The following EXOSC4 variants were observed in gnomAD, a reference collection of about 807,000 sequenced individuals.
EXOSC4 encodes the protein exosome complex component RRP41.
A neutral mutation model predicts 20.0 loss-of-function variants in EXOSC4; 14 were observed. The ratio of observed to expected loss-of-function variants is 0.70; its 90% CI spans 0.46 to 1.09. The LOEUF (loss-of-function observed/expected upper bound fraction) is 1.09, where lower values mean the gene tolerates loss of function less well. Ranked by LOEUF, EXOSC4 falls within the 50% of genes least tolerant of loss-of-function variation. EXOSC4 has a pLI of 0.00. For synonymous variants in EXOSC4, 148 were observed against 146.4 expected (o/e 1.01, Z -0.08); for missense variants, 337 against 334.0 (o/e 1.01, Z -0.07).
chr8:144,073,343 A>G, the EXOSC4 span, among the ~76,000 whole-genome samples: 105 of 152,174 alleles, frequency 6.9e-4, no homozygotes, highest in African/African-American at 2.1e-3. Context: ...TCAAGATCGC[A>G]CCACTGCACT....
the EXOSC4 span, among the ~76,000 whole-genome samples, chr8:144,070,717 A>T: frequency 2.0e-5 from 3 of 151,874 alleles, no homozygotes; most frequent in African/African-American, 2.4e-5. Flanking sequence ...AATCCCAGCT[A>T]TTCAGGAGGC....
rs782357099 is a variant in EXOSC4, at chr8:144,080,051, C to G, written c.280C>G (p.Arg94Gly). 1.2e-6 allele frequency: 2 copies of G among 1,614,016 alleles called. No homozygotes were observed. The highest frequency in any genetic ancestry group is 1.7e-6 in the Non-Finnish European group (2 of 1,179,988). Residue 94 changes from arginine (R) to glycine (G), a missense_variant, in exon 2 of 3, where the codon CGT (arginine) becomes GGT (glycine). Coordinates refer to ENST00000316052, the MANE Select transcript of EXOSC4 (RefSeq NM_019037.3). This position sits in a 1 kb window ranked among gnomAD's most constrained non-coding sequence, Gnocchi z 4.9. The stretch of plus-strand genomic sequence containing the variant: ...GCGCAAGCGACGGCCACATGGGGAC[C>G]GTAAGTCCTGTGAGATGGGCCTGCA... ...GERKRRPHGD[R>G]KSCEMGLQLR... is the part of the protein sequence containing the mutation.
At chr8:144,079,792 C>A in intron 1 of EXOSC4, 151 bp from the exon 2 acceptor site, 1 of 817,216 alleles carries the variant, frequency 1.2e-6, no homozygotes, top group Non-Finnish European at 2.1e-6. Context: ...ACATGCAAGA[C>A]AGAGAGCGCA....
the EXOSC4 span, among the ~76,000 whole-genome samples, chr8:144,071,545 C>T: frequency 6.7e-6 from 1 of 149,400 alleles, no homozygotes; most frequent in Admixed American, 6.7e-5. Context: ...GACCTCCCGC[C>T]TTGGCCTCCT....
In EXOSC4 at chr8:144,080,602, C is replaced by T; in HGVS notation, c.*1C>T. On this transcript the variant is annotated 3_prime_UTR_variant, in exon 3 of 3. Transcript: ENST00000316052. This position sits in a 1 kb window ranked among gnomAD's most constrained non-coding sequence, Gnocchi z 4.9. Reference sequence around the variant, plus strand: ...GGCCTCTATCTTGCTGGGGGACTGACCACCCAGCCACCCATGTCCAGAATA... The same window carrying T: ...GGCCTCTATCTTGCTGGGGGACTGATCACCCAGCCACCCATGTCCAGAATA... The T allele has an allele frequency of 6.3e-7, 1 of 1,595,458 alleles. No homozygotes were observed. Among genetic ancestry groups the T allele is most frequent in the Non-Finnish European group, 8.5e-7 (1 of 1,177,880 alleles).
chr8:144,067,320 G>A, the EXOSC4 span, among the ~76,000 whole-genome samples: 75 of 152,316 alleles, frequency 4.9e-4, no homozygotes, highest in African/African-American at 1.5e-3. Context: ...GGTTTTGGGT[G>A]AGCCTAACCT....
upstream of EXOSC4, among the ~76,000 whole-genome samples, chr8:144,077,352 G>C (rs1190658512): frequency 6.6e-6 from 1 of 152,252 alleles, no homozygotes; most frequent in Non-Finnish European, 1.5e-5. Flanking sequence ...AATAAGCAGA[G>C]TGGCTGTAGA....
In EXOSC4 at chr8:144,080,583, T is replaced by C; in HGVS notation, c.720T>C (p.Ser240=). 1 of 1,598,378 alleles carries C rather than the reference T, an allele frequency of 6.3e-7. No individual in the cohort carries two copies. Among genetic ancestry groups the C allele is most frequent in the Non-Finnish European group, 8.5e-7 (1 of 1,179,346 alleles). ...RVVRQHVREA[S]ILLGD The stretch of plus-strand genomic sequence containing the variant: ...TCCGGCAGCATGTGCGTGAGGCCTC[T>C]ATCTTGCTGGGGGACTGACCACCCA... Residue 240 remains serine, a synonymous_variant, in exon 3 of 3, where the codon TCT becomes TCC. Transcript: ENST00000316052. The surrounding 1 kb of genome is among the most constrained non-coding windows in gnomAD (Gnocchi z 4.9).
chr8:144,077,025 T>G (rs1297266072), upstream of EXOSC4, among the ~76,000 whole-genome samples: 3 of 150,798 alleles, frequency 2.0e-5, no homozygotes, highest in Admixed American at 2.0e-4. Flanking sequence ...GAGCTGAGAT[T>G]GTGCCACTGC....
chr8:144,069,446 G>A, the EXOSC4 span, among the ~76,000 whole-genome samples: 4 of 152,304 alleles, frequency 2.6e-5, no homozygotes, highest in East Asian at 1.9e-4. Context: ...GGTGTGTGCC[G>A]GGACTGCTTG....
chr8:144,071,281 C>T, the EXOSC4 span, among the ~76,000 whole-genome samples: 1 of 55,670 alleles, frequency 1.8e-5, no homozygotes, highest in Non-Finnish European at 3.5e-5. Context: ...TCTCCCCTCC[C>T]CTCCTCCGCT....
the EXOSC4 span, among the ~76,000 whole-genome samples, chr8:144,070,205 TC>T: frequency 6.6e-6 from 1 of 152,138 alleles, no homozygotes; most frequent in Non-Finnish European, 1.5e-5. Flanking sequence ...GTCAAGGCCC[TC>T]TGATTTTTGG....
upstream of EXOSC4, chr8:144,078,022 T>A (rs1453283975): frequency 1.3e-5 from 2 of 152,334 alleles, no homozygotes; most frequent in East Asian, 3.9e-4. The surrounding 1 kb of genome is among the most constrained non-coding windows in gnomAD (Gnocchi z 4.7). Context: ...ATTTTTATTA[T>A]TTGAAGCCGC....
rs782483107 is a variant in EXOSC4 at position 144,080,631 on chromosome 8, CCCT to C, written c.*35_*37del. On this transcript the variant is annotated 3_prime_UTR_variant, in exon 3 of 3. Transcript: ENST00000316052. This position sits in a 1 kb window ranked among gnomAD's most constrained non-coding sequence, Gnocchi z 4.9. The stretch of plus-strand genomic sequence containing the variant: ...CCAGCCACCCATGTCCAGAATAAAA[CCCT>C]CCTCTGCCCACACACCCCTCACTGT... 8 of 1,582,452 alleles carry C rather than the reference CCCT, an allele frequency of 5.1e-6. No homozygotes were observed. Among genetic ancestry groups the C allele is most frequent in the South Asian group, 1.1e-5 (1 of 88,968 alleles).
At chr8:144,070,877 C>G in the EXOSC4 span, among the ~76,000 whole-genome samples, 1 of 151,826 alleles carries the variant, frequency 6.6e-6, no homozygotes, top group East Asian at 1.9e-4. Context: ...CCTACAGGAG[C>G]CTCATTGGCT....
At chr8:144,074,720 G>C (rs1835821124), upstream of EXOSC4, among the ~76,000 whole-genome samples, 1 of 152,080 alleles carries the variant, frequency 6.6e-6, no homozygotes, top group Non-Finnish European at 1.5e-5. Flanking sequence ...ACAGGCGTGT[G>C]CCACCATACC....
At chr8:144,070,075 G>A in the EXOSC4 span, among the ~76,000 whole-genome samples, 4 of 152,252 alleles carry the variant, frequency 2.6e-5, no homozygotes, top group African/African-American at 9.6e-5. Context: ...ATTTGGCTCA[G>A]GGCCGGGCCA....
chr8:144,078,917 AT>A lies in EXOSC4; in HGVS notation c.171+19del, dbSNP rs1835866592. 1 of 1,457,414 alleles carries A rather than the reference AT, an allele frequency of 6.9e-7. No individual in the cohort carries two copies. Among genetic ancestry groups the A allele is most frequent in the African/African-American group, 1.5e-5 (1 of 68,108 alleles). The allele number at this position is 1,457,414 out of a possible 1,614,324, so 90.3% of individuals were successfully genotyped here. ...CGCACGAGGCGAGTGGGCGCGCGGG[AT>A]GGGGAATCGTGTGGCCGTGGGAGCT... On this transcript the variant is annotated intron_variant, in intron 1 of 2. Transcript: ENST00000316052. This position sits in a 1 kb window ranked among gnomAD's most constrained non-coding sequence, Gnocchi z 4.7.
In EXOSC4 at chr8:144,080,573, G is replaced by C. The variant is rs182925683; in HGVS notation, c.710G>C (p.Arg237Pro). The C allele has an allele frequency of 1.3e-6, 2 of 1,599,272 alleles. No individual in the cohort carries two copies. The highest frequency in any genetic ancestry group is 2.7e-5 in the African/African-American group (2 of 74,888). Residue 237 changes from arginine (R) to proline (P), a missense_variant, in exon 3 of 3, where the codon CGT becomes CCT. Coordinates refer to ENST00000316052, the MANE Select transcript of EXOSC4 (RefSeq NM_019037.3). This position sits in a 1 kb window ranked among gnomAD's most constrained non-coding sequence, Gnocchi z 4.9. ...GATCGAGTGGTCCGGCAGCATGTGC[G>C]TGAGGCCTCTATCTTGCTGGGGGAC... Reference protein sequence around the residue: ...LLDRVVRQHVREASILLGD With the variant: ...LLDRVVRQHVPEASILLGD
Sources: gnomAD v4.1 joint callset for allele counts (sites outside exome capture counted in the v4.1 genomes callset) on GRCh38, gnomAD v4.1.1 for gene constraint, Gnocchi (gnomAD v3.1) non-coding constraint, MANE v1.5 for transcripts, NCBI Gene and HGNC (gene_info 2026-07-23, HGNC 2026-07-21) for gene names.